Variants in LARP7 observed in about 807,000 individuals in gnomAD.
LARP7 encodes the protein La ribonucleoprotein 7, transcriptional regulator.
In LARP7, 52 loss-of-function variants were observed where a neutral mutation model predicts 69.3. That is an observed-to-expected ratio of 0.75 (90% CI 0.60 to 0.95). LARP7 has a LOEUF of 0.95. Among genes scored for constraint, LARP7 ranks in the 40% least tolerant of loss-of-function variants. The pLI, the probability that LARP7 is intolerant of heterozygous loss-of-function variation, is 0.00. For synonymous variants in LARP7, 254 were observed against 215.9 expected, an observed-to-expected ratio of 1.18 and a Z score of -1.55; for missense variants, 733 against 673.0, an observed-to-expected ratio of 1.09 and a Z score of -0.99.
In LARP7 at chr4:112,657,488, A is replaced by T; in HGVS notation, c.*161A>T. 2.6e-6 allele frequency: 1 copy of T among 388,544 alleles called. No homozygotes were observed. The highest frequency in any genetic ancestry group is 4.7e-6 in the Non-Finnish European group (1 of 212,894). The allele number at this position is 388,544 out of a possible 1,614,324, so 24.1% of individuals were successfully genotyped here. The stretch of plus-strand genomic sequence containing the variant: ...ATAAGACTTTTTTCTAGAGACAAAT[A>T]TGATGTATACCACAATTTTTCTTAA... On this transcript the variant is annotated 3_prime_UTR_variant, in exon 13 of 13. Transcript: ENST00000344442.
intron 12 of LARP7, chr4:112,655,356 A>C (rs1241342940): frequency 6.6e-6 from 1 of 152,232 alleles, no homozygotes; most frequent in Non-Finnish European, 1.5e-5. Context: ...TCATTTTAAA[A>C]ATTTAGAGCT....
At chr4:112,653,014 AG>A (rs1320817366) in intron 10 of LARP7, 62 bp from the exon 11 acceptor site, 25 of 1,282,248 alleles carry the variant, frequency 1.9e-5, no homozygotes, top group Non-Finnish European at 2.6e-5. Context: ...CCATTGGAAT[AG>A]TTTTAGAATT....
At chr4:112,656,222 T>C (rs2048949535) in intron 12 of LARP7, among the ~76,000 whole-genome samples, 1 of 151,972 alleles carries the variant, frequency 6.6e-6, no homozygotes, top group South Asian at 2.1e-4. Flanking sequence ...CCGGCCAACA[T>C]ATTGAAACCC....
chr4:112,647,206 GAAA>G lies in LARP7; in HGVS notation c.657_659del (p.Lys225del), dbSNP rs771630962. The G allele has an allele frequency of 6.9e-6, 11 of 1,585,816 alleles. No individual in the cohort carries two copies. The highest frequency in any genetic ancestry group is 1.7e-4 in the Middle Eastern group (1 of 5,918). On this transcript the variant is annotated inframe_deletion, in exon 7 of 13. Coordinates refer to ENST00000344442, the MANE Select transcript of LARP7 (RefSeq NM_016648.4). ...ATGATGGCACTTTTACAGAAGAGAAGAAAAAGAAAAAGAAGAAGAAAGGCCGAA... is the reference window on the plus strand; with the variant it reads ...ATGATGGCACTTTTACAGAAGAGAAGAAGAAAAAGAAGAAGAAAGGCCGAA...
At chr4:112,643,485 C>T in intron 1 of LARP7, among the ~76,000 whole-genome samples, 1 of 152,074 alleles carries the variant, frequency 6.6e-6, no homozygotes, top group East Asian at 1.9e-4. Context: ...CTGAAAGTAA[C>T]TTGAGGAAGG....
At position 112,657,326 on chromosome 4, in the gene LARP7, GA is replaced by G. The variant is rs746633076; in HGVS notation, c.*9del. ...CATATAAGATTTTCTGAATATGATT[GA>G]AAAAAAAAACAGTTCACCTCTTAAT... ...SKHIRFSEYD[*>X] On this transcript the variant is annotated frameshift_variant and stop_lost, in exon 13 of 13. Transcript: ENST00000344442. LOFTEE classifies it high-confidence loss of function. 805 of 1,398,234 alleles carry G rather than the reference GA, an allele frequency of 5.8e-4. No homozygotes were observed. Among genetic ancestry groups the G allele is most frequent in the Admixed American group, 1.1e-3 (51 of 46,038 alleles). The allele number at this position is 1,398,234 out of a possible 1,614,324, so 86.6% of individuals were successfully genotyped here. A position where few individuals can be genotyped will look rare whatever the true frequency, so the allele number is the denominator to read the frequency against.
intron 9 of LARP7, 97 bp downstream of exon 9, chr4:112,649,783 C>A: frequency 1.4e-6 from 1 of 731,334 alleles, no homozygotes; most frequent in Non-Finnish European, 2.0e-6. Flanking sequence ...TTTTAAAAAA[C>A]TTGATTATTC....
intron 9 of LARP7, among the ~76,000 whole-genome samples, 173 bp from the exon 10 acceptor site, chr4:112,650,288 G>T (rs2048662517): frequency 6.6e-6 from 1 of 152,054 alleles, no homozygotes; most frequent in Non-Finnish European, 1.5e-5. Flanking sequence ...TTTATTCATG[G>T]TATTTTGAAA....
chr4:112,652,738 C>T (rs796205486), intron 10 of LARP7, among the ~76,000 whole-genome samples: 8 of 150,950 alleles, frequency 5.3e-5, no homozygotes, highest in African/African-American at 1.9e-4. Context: ...TATACTACTC[C>T]CAGATGTGAA....
At position 112,647,096 on chromosome 4, in the gene LARP7, A is replaced by T. The variant is rs752648352; in HGVS notation, c.615A>T (p.Lys205Asn). 4 of 1,611,380 alleles carry T rather than the reference A, an allele frequency of 2.5e-6. No homozygotes were observed. Among genetic ancestry groups the T allele is most frequent in the Non-Finnish European group, 3.4e-6 (4 of 1,179,430 alleles). ...CTGGCATATTTCCTAAAACAGTGAA[A>T]AATAAGCCCATTCCAGCCTTAAGAG... ...RKPGIFPKTV[K>N]NKPIPALRVV... is the part of the protein sequence containing the mutation. The change falls in exon 6 of 13, where the codon AAA becomes AAT. Residue 205 changes from lysine (K) to asparagine (N), a missense_variant. By Grantham distance (94) the Lys-to-Asn change is moderately conservative. Coordinates refer to ENST00000344442, the MANE Select transcript of LARP7 (RefSeq NM_016648.4).
At chr4:112,655,696 A>T (rs534643637) in intron 12 of LARP7, among the ~76,000 whole-genome samples, 1 of 152,356 alleles carries the variant, frequency 6.6e-6, no homozygotes, top group South Asian at 2.1e-4. Flanking sequence ...TAAACAATAT[A>T]GTTTAGGTGA....
rs2048997991 is a variant in LARP7 at position 112,657,351 on chromosome 4, A to C, written c.*24A>C. ...GAAAAAAAAAACAGTTCACCTCTTA[A>C]TACTTCACAAGATACTTGAGCTGTT... On this transcript the variant is annotated 3_prime_UTR_variant, in exon 13 of 13. Transcript: ENST00000344442. 7 of 1,269,510 alleles carry C rather than the reference A, an allele frequency of 5.5e-6. No individual in the cohort carries two copies. In the East Asian group the frequency reaches 1.7e-4, roughly 31 times the overall value. 78.6% of individuals were successfully genotyped at this position (1,269,510 alleles called of 1,614,324 possible).
At position 112,646,830 on chromosome 4, in the gene LARP7, A is replaced by G; in HGVS notation, c.427A>G (p.Arg143Gly). The G allele has an allele frequency of 6.2e-7, 1 of 1,604,394 alleles. No individual in the cohort carries two copies. The highest frequency in any genetic ancestry group is 8.5e-7 in the Non-Finnish European group (1 of 1,177,662). The change falls in exon 5 of 13, where the codon AGA becomes GGA. Residue 143 changes from arginine to glycine, a missense_variant. Transcript: ENST00000344442. ...PKNVNHSWIE[R>G]VFGKCGNVVY... ...AAATGTTAATCACAGCTGGATTGAA[A>G]GAGTATTTGGGAAATGTGGCAATGT...
chr4:112,643,042 C>T (rs1213059449), intron 1 of LARP7, among the ~76,000 whole-genome samples: 1 of 152,214 alleles, frequency 6.6e-6, no homozygotes, highest in African/African-American at 2.4e-5. Context: ...ATTCATTCAA[C>T]AAAATCGAGG....
intron 12 of LARP7, chr4:112,654,730 A>G (rs1221316335): frequency 6.6e-6 from 1 of 152,286 alleles, no homozygotes; most frequent in African/African-American, 2.4e-5. Flanking sequence ...GGGAATAGCC[A>G]CTGCTTTCCA....
intron 12 of LARP7, among the ~76,000 whole-genome samples, chr4:112,656,581 C>T (rs1030138731): frequency 6.6e-6 from 1 of 152,142 alleles, no homozygotes; most frequent in African/African-American, 2.4e-5. Context: ...ATAACAGCTA[C>T]TAGAGACAGA....
Position 112,646,453 on chromosome 4 carries a change from T to C in LARP7, c.303+2T>C, listed in dbSNP as rs761138451. The C allele has an allele frequency of 1.3e-6, 2 of 1,551,502 alleles. No homozygotes were observed. The highest frequency in any genetic ancestry group is 1.1e-5 in the South Asian group (1 of 87,096). The stretch of plus-strand genomic sequence containing the variant: ...TTGAGAAGTTCAGCTGTTGTAGAGG[T>C]AAGAATCAAGAATAACTACTGTTTA... On this transcript the variant is annotated splice_donor_variant, in intron 3 of 12. Transcript: ENST00000344442. LOFTEE classifies it high-confidence loss of function.
At position 112,647,731 on chromosome 4, in the gene LARP7, CTAAAAGATAGCTCTCTCT is replaced by C; in HGVS notation, c.1041_1058del (p.Asp349_Lys354del). On this transcript the variant is annotated inframe_deletion, in exon 8 of 13. Transcript: ENST00000344442. ...TGAAGAGGAAAAGGATACTGGAGATCTAAAAGATAGCTCTCTCTTGAAAACAAAAAGGAAACATAAGAA... is the reference window on the plus strand; with the variant it reads ...TGAAGAGGAAAAGGATACTGGAGATCTGAAAACAAAAAGGAAACATAAGAA... 6.4e-7 allele frequency: 1 copy of C among 1,558,114 alleles called. No homozygotes were observed. Among genetic ancestry groups the C allele is most frequent in the Non-Finnish European group, 8.7e-7 (1 of 1,153,470 alleles).
At chr4:112,656,690 A>AAC (rs2048969451) in intron 12 of LARP7, among the ~76,000 whole-genome samples, 1 of 152,246 alleles carries the variant, frequency 6.6e-6, no homozygotes, top group African/African-American at 2.4e-5. Flanking sequence ...AAAATTTGTG[A>AAC]ACAGCAGCAT....
Sources: gnomAD v4.1 joint callset for allele counts (sites outside exome capture counted in the v4.1 genomes callset) on GRCh38, gnomAD v4.1.1 for gene constraint, MANE v1.5 for transcripts, NCBI Gene and HGNC (gene_info 2026-07-23, HGNC 2026-07-21) for gene names.